OR52N4: variants seen among roughly 807,000 people sequenced by gnomAD.
OR52N4 encodes olfactory receptor family 52 subfamily N member 4.
In OR52N4, 15 loss-of-function variants were observed where a neutral mutation model predicts 15.0. That is an observed-to-expected ratio of 1.00 (90% CI 0.67 to 1.54). The LOEUF (loss-of-function observed/expected upper bound fraction) is 1.54, where lower values mean the gene tolerates loss of function less well. Ranked by LOEUF, OR52N4 falls within the 40% of genes most tolerant of loss-of-function variation. The pLI, the probability that OR52N4 is intolerant of heterozygous loss-of-function variation, is 0.00. For missense variants in OR52N4, 421 were observed against 394.0 expected (o/e 1.07, Z -0.58); for synonymous variants, 143 against 143.7 (o/e 1.00, Z 0.03).
At chr11:5,741,626 A>G in the OR52N4 span, among the ~76,000 whole-genome samples, 1 of 152,248 alleles carries the variant, frequency 6.6e-6, no homozygotes, top group South Asian at 2.1e-4. Flanking sequence ...GGGCACCAGT[A>G]TTACTAAAAT....
chr11:5,753,799 C>T (rs1344646113), upstream of OR52N4, among the ~76,000 whole-genome samples: 1 of 151,886 alleles, frequency 6.6e-6, no homozygotes, highest in Admixed American at 6.6e-5. Context: ...TGGAGACCAA[C>T]CTGACCAATA....
In OR52N4 at chr11:5,754,859, C is replaced by T. The variant is rs780599104; in HGVS notation, c.119C>T (p.Ala40Val). 1.2e-5 allele frequency: 19 copies of T among 1,613,666 alleles called. No homozygotes were observed. Among genetic ancestry groups the T allele is most frequent in the African/African-American group, 4.0e-5 (3 of 74,890 alleles). ...SFPFCSMYVV[A>V]MVGNCGLLYL... is the part of the protein sequence containing the mutation. ...CCATTCTGCTCTATGTATGTTGTGGCTATGGTAGGGAATTGTGGACTCCTC... is the reference window on the plus strand; with the variant it reads ...CCATTCTGCTCTATGTATGTTGTGGTTATGGTAGGGAATTGTGGACTCCTC... The change falls in exon 2 of 2, where the codon GCT (alanine) becomes GTT (valine). Residue 40 changes from alanine (A) to valine (V), a missense_variant. By Grantham distance (64) the Ala-to-Val change is moderately conservative (BLOSUM62 0). Transcript: ENST00000641350.
chr11:5,750,396 AC>A (rs1238266932), upstream of OR52N4, among the ~76,000 whole-genome samples: 1 of 151,926 alleles, frequency 6.6e-6, no homozygotes, highest in Non-Finnish European at 1.5e-5. Flanking sequence ...GGTCACTTTA[AC>A]TCCAAGAAAA....
the OR52N4 span, among the ~76,000 whole-genome samples, chr11:5,739,184 ATTAAGATAAT>A: frequency 7.9e-6 from 1 of 125,790 alleles, no homozygotes; most frequent in Non-Finnish European, 1.7e-5. Context: ...AGTTGAGAAC[ATTAAGATAAT>A]TTAAGAAAAT....
chr11:5,736,773 T>A, the OR52N4 span: 1 of 1,614,074 alleles, frequency 6.2e-7, no homozygotes, highest in Non-Finnish European at 8.5e-7. Context: ...GCCACTACTA[T>A]CATCCCTAAG....
At chr11:5,730,169 C>T in the OR52N4 span, among the ~76,000 whole-genome samples, 3 of 150,816 alleles carry the variant, frequency 2.0e-5, no homozygotes, top group Non-Finnish European at 2.9e-5. Context: ...AAATACCTGT[C>T]ATCAAAGCCA....
At chr11:5,741,613 TG>T in the OR52N4 span, among the ~76,000 whole-genome samples, 2 of 151,992 alleles carry the variant, frequency 1.3e-5, no homozygotes, top group African/African-American at 4.8e-5. Context: ...CACAAATGAG[TG>T]GGGGCACCAG....
chr11:5,755,052 C>T lies in OR52N4; in HGVS notation c.312C>T (p.Phe104=), dbSNP rs765368851. 3 of 1,613,998 alleles carry T rather than the reference C, an allele frequency of 1.9e-6. No individual in the cohort carries two copies. In the South Asian group the frequency reaches 3.3e-5, roughly 18 times the overall value. The change falls in exon 2 of 2, where the codon TTC becomes TTT. Residue 104 remains phenylalanine (F), a synonymous_variant. Transcript: ENST00000641350. ...TTGATGAATGCCTTGTCCAGATGTT[C>T]TTCACCCACACCTTCACAGGGATGG... The part of the protein sequence containing the change: ...IGFDECLVQM[F]FTHTFTGMES...
chr11:5,748,382 T>A, the OR52N4 span, among the ~76,000 whole-genome samples: 3 of 144,948 alleles, frequency 2.1e-5, no homozygotes, highest in Non-Finnish European at 4.6e-5. Context: ...TAATTTATAA[T>A]CAGTTATTTT....
At chr11:5,728,205 T>C in the OR52N4 span, among the ~76,000 whole-genome samples, 1 of 152,214 alleles carries the variant, frequency 6.6e-6, no homozygotes, top group Non-Finnish European at 1.5e-5. Context: ...ATTATTCTTG[T>C]ACATACATAC....
At position 5,755,447 on chromosome 11, in the gene OR52N4, G is replaced by A. The variant is rs565267255; in HGVS notation, c.707G>A (p.Arg236Gln). ...AVVSLSSADA[R>Q]QKAFNTCTAH... ...GTCAGCCTCTCCTCAGCAGATGCTC[G>A]GCAGAAGGCCTTTAATACCTGCACT... Residue 236 changes from arginine to glutamine, a missense_variant, in exon 2 of 2, where the codon CGG (arginine) becomes CAG (glutamine). Coordinates refer to ENST00000641350, the MANE Select transcript of OR52N4 (RefSeq NM_001005175.5). 9.9e-6 allele frequency: 16 copies of A among 1,614,004 alleles called. No homozygotes were observed. The highest frequency in any genetic ancestry group is 1.7e-4 in the Middle Eastern group (1 of 6,060).
At chr11:5,739,555 C>T in the OR52N4 span, among the ~76,000 whole-genome samples, 1 of 38,468 alleles carries the variant, frequency 2.6e-5, no homozygotes, top group Admixed American at 2.6e-4. Flanking sequence ...GAGTGAGACT[C>T]TGACTCAAAA....
In OR52N4 at chr11:5,755,941, A is replaced by G. The variant is rs1383392124; in HGVS notation, c.*235A>G. On this transcript the variant is annotated 3_prime_UTR_variant, in exon 2 of 2. Transcript: ENST00000641350. The stretch of plus-strand genomic sequence containing the variant: ...GAAGGACCAGTCTAATAATTAAACC[A>G]TATTTTATTCGACAAAACCTAATGA... 1 of 485,226 alleles carries G rather than the reference A, an allele frequency of 2.1e-6. No homozygotes were observed. Among genetic ancestry groups the G allele is most frequent in the African/African-American group, 1.9e-5 (1 of 51,410 alleles). The allele number at this position is 485,226 out of a possible 1,614,324, so 30.1% of individuals were successfully genotyped here.
chr11:5,751,216 A>G (rs911659277), upstream of OR52N4, among the ~76,000 whole-genome samples: 1 of 152,002 alleles, frequency 6.6e-6, no homozygotes, highest in Non-Finnish European at 1.5e-5. Context: ...ATATTTTTAA[A>G]CCTTTGTGTA....
Position 5,755,196 on chromosome 11 carries a change from G to A in OR52N4, c.456G>A (p.Leu152=), listed in dbSNP as rs1444166992. 1 of 1,613,862 alleles carries A rather than the reference G, an allele frequency of 6.2e-7. No individual in the cohort carries two copies. The highest frequency in any genetic ancestry group is 1.7e-5 in the Admixed American group (1 of 59,970). Residue 152 remains leucine, a synonymous_variant, in exon 2 of 2, where the codon CTG becomes CTA. Coordinates refer to ENST00000641350, the MANE Select transcript of OR52N4 (RefSeq NM_001005175.5). ...CAAAGGTTGGGACTGCCACCTTCCT[G>A]AGAGGGGTATTACTCATTATTCCCT... The part of the protein sequence containing the change: ...VIAKVGTATF[L]RGVLLIIPFT...
the OR52N4 span, among the ~76,000 whole-genome samples, chr11:5,746,228 T>C: frequency 1.3e-5 from 2 of 152,110 alleles, no homozygotes; most frequent in African/African-American, 4.8e-5. Context: ...AAAATTCTTC[T>C]GGAGATTTAG....
chr11:5,727,412 T>G, the OR52N4 span: 18,347 of 151,952 alleles, frequency 0.12, 1,284 homozygotes, highest in East Asian at 0.25. Flanking sequence ...CGTAAAAGAG[T>G]TGTCAGGGTG....
chr11:5,754,772 C>A lies in OR52N4; in HGVS notation c.32C>A (p.Pro11Gln). ...ACACTGAATAAAACAGACCTAATAC[C>A]AGCTTCATTTATTCTGAATGGAGTC... MLTLNKTDLI[P>Q]ASFILNGVPG... Residue 11 changes from proline (P) to glutamine (Q), a missense_variant, in exon 2 of 2, where the codon CCA (proline) becomes CAA (glutamine). Physicochemically the swap from Pro to Gln is moderately conservative, Grantham distance 76 (BLOSUM62 -1). Coordinates refer to ENST00000641350, the MANE Select transcript of OR52N4 (RefSeq NM_001005175.5). 6.2e-7 allele frequency: 1 copy of A among 1,613,170 alleles called. No individual in the cohort carries two copies. The highest frequency in any genetic ancestry group is 8.5e-7 in the Non-Finnish European group (1 of 1,179,506).
chr11:5,737,071 C>A, the OR52N4 span: 2 of 1,614,104 alleles, frequency 1.2e-6, no homozygotes, highest in South Asian at 2.2e-5. Flanking sequence ...AAATTGAACA[C>A]TGCCTGTGCT....
Sources: allele counts gnomAD v4.1 joint callset (sites outside exome capture counted in the v4.1 genomes callset), GRCh38; gene constraint gnomAD v4.1.1; transcripts MANE v1.5; gene names NCBI Gene and HGNC (gene_info 2026-07-23, HGNC 2026-07-21).